Variants in SAXO1 observed in about 807,000 individuals in gnomAD.
SAXO1 encodes stabilizer of axonemal microtubules 1.
SAXO1 carries 21 observed loss-of-function variants against 17.5 expected under a neutral mutation model. That is an observed-to-expected ratio of 1.20 (90% CI 0.85 to 1.72). The LOEUF (loss-of-function observed/expected upper bound fraction) is 1.72, where lower values mean the gene tolerates loss of function less well. SAXO1 is among the 40% of genes most tolerant of loss of function. The probability of loss-of-function intolerance (pLI) is 0.00; values close to 1 mark genes in which losing one functional copy is unlikely to be tolerated. For missense variants in SAXO1, 843 were observed against 596.0 expected, an observed-to-expected ratio of 1.41 and a Z score of -4.32; for synonymous variants, 274 against 216.5, an observed-to-expected ratio of 1.27 and a Z score of -2.33.
At chr9:19,000,711 T>A (rs1007415675) in intron 1 of SAXO1, among the ~76,000 whole-genome samples, 3 of 146,402 alleles carry the variant, frequency 2.0e-5, no homozygotes, top group African/African-American at 8.2e-5. Context: ...ATTAAAAAAA[T>A]AAAAATAAAA....
At chr9:18,981,244 C>A (rs73645556) in intron 1 of SAXO1, among the ~76,000 whole-genome samples, 1 of 152,038 alleles carries the variant, frequency 6.6e-6, no homozygotes, top group Non-Finnish European at 1.5e-5. Flanking sequence ...AGAGAAAGCC[C>A]CTACCCACCC....
intron 3 of SAXO1, among the ~76,000 whole-genome samples, chr9:18,938,559 GCCC>G (rs1563929494): frequency 1.3e-5 from 2 of 151,844 alleles, no homozygotes; most frequent in Non-Finnish European, 2.9e-5. Context: ...ATCAAAAACC[GCCC>G]CCATTATACA....
chr9:18,962,570 T>A (rs1425546181), intron 1 of SAXO1, among the ~76,000 whole-genome samples: 12 of 152,234 alleles, frequency 7.9e-5, no homozygotes, highest in African/African-American at 2.7e-4. Flanking sequence ...GTTCTCCCAT[T>A]CAGTAGGTTG....
At chr9:19,046,885 T>A (rs1018346121) in intron 1 of SAXO1, among the ~76,000 whole-genome samples, 20 of 151,036 alleles carry the variant, frequency 1.3e-4, no homozygotes, top group East Asian at 4.0e-4. Flanking sequence ...ATTTAAAAAA[T>A]TTTTTTAAAA....
chr9:19,027,865 C>G (rs1436383916), intron 1 of SAXO1: 2 of 1,358,314 alleles, frequency 1.5e-6, no homozygotes, highest in Middle Eastern at 1.8e-4. Flanking sequence ...CCCTGCTACG[C>G]TAGGGCGGCC....
intron 1 of SAXO1, among the ~76,000 whole-genome samples, chr9:19,020,022 TAAA>T (rs368560199): frequency 1.4e-5 from 2 of 141,378 alleles, no homozygotes; most frequent in African/African-American, 5.2e-5. Flanking sequence ...CAGGTATTAT[TAAA>T]AAAAAAAAAA....
At chr9:18,972,144 A>G (rs1330084791) in intron 1 of SAXO1, among the ~76,000 whole-genome samples, 2 of 152,254 alleles carry the variant, frequency 1.3e-5, no homozygotes, top group Non-Finnish European at 2.9e-5. Context: ...GGCAAAGTTC[A>G]AGGGAATGAA....
upstream of SAXO1, among the ~76,000 whole-genome samples, chr9:19,037,731 C>G (rs910475522): frequency 2.0e-5 from 3 of 152,156 alleles, no homozygotes; most frequent in African/African-American, 4.8e-5. Context: ...CTTCCCTAAC[C>G]CTGGTATCAA....
In SAXO1 at chr9:18,928,157, G is replaced by A. The variant is rs754786372; in HGVS notation, c.1320C>T (p.His440=). The change falls in exon 4 of 4, where the codon CAC becomes CAT. Residue 440 remains histidine (H), a synonymous_variant. Coordinates refer to ENST00000380534, the MANE Select transcript of SAXO1 (RefSeq NM_153707.4). ...CCTGGGAAACTGGTTTGTATATCCT[G>A]TGACCCAAAGCATCCACTTCCTCAA... The part of the protein sequence containing the change: ...YTFEEVDALG[H]RIYKPVSQAG... 6.2e-7 allele frequency: 1 copy of A among 1,614,178 alleles called. No homozygotes were observed. Among genetic ancestry groups the A allele is most frequent in the Non-Finnish European group, 8.5e-7 (1 of 1,180,034 alleles).
intron 1 of SAXO1, among the ~76,000 whole-genome samples, chr9:18,988,531 T>A (rs562117447): frequency 6.6e-6 from 1 of 152,220 alleles, no homozygotes; most frequent in South Asian, 2.1e-4. Flanking sequence ...TACATCTGTA[T>A]GGCATTCTAC....
At chr9:18,965,276 T>C (rs934033525) in intron 1 of SAXO1, among the ~76,000 whole-genome samples, 8 of 152,338 alleles carry the variant, frequency 5.3e-5, no homozygotes, top group African/African-American at 1.7e-4. Context: ...TTAGGTCCAC[T>C]TGGTCCAGGG....
chr9:18,928,705 GA>G lies in SAXO1; in HGVS notation c.771del (p.Leu258Ter), dbSNP rs746581681. 1.9e-6 allele frequency: 3 copies of G among 1,614,184 alleles called. No individual in the cohort carries two copies. The East Asian group carries it at 6.7e-5, about 36-fold the overall frequency. On this transcript the variant is annotated frameshift_variant, in exon 4 of 4. Coordinates refer to ENST00000380534, the MANE Select transcript of SAXO1 (RefSeq NM_153707.4). LOFTEE classifies it low-confidence loss of function (END_TRUNC). Reference protein sequence around the residue: ...LMGEPAKSLKPLARPPGLDMP... With the variant: ...LMGEPAKSLKXLARPPGLDMP... ...ATGTCTAGCCCAGGAGGCCTGGCTA[GA>G]GGTTTCAAGCTCTTGGCAGGCTCCC...
chr9:18,980,983 G>C (rs1833363800), intron 1 of SAXO1, among the ~76,000 whole-genome samples: 2 of 152,070 alleles, frequency 1.3e-5, no homozygotes, highest in African/African-American at 4.8e-5. Context: ...AAGTGCTAAG[G>C]AATAAATTGA....
At chr9:18,956,854 G>C (rs184543662) in intron 1 of SAXO1, among the ~76,000 whole-genome samples, 1 of 152,166 alleles carries the variant, frequency 6.6e-6, no homozygotes, top group African/African-American at 2.4e-5. Context: ...ACAGCAATGC[G>C]ATGAGCGAGG....
upstream of SAXO1, among the ~76,000 whole-genome samples, chr9:19,036,465 T>C (rs1835941679): frequency 6.6e-6 from 1 of 151,938 alleles, no homozygotes; most frequent in Non-Finnish European, 1.5e-5. Flanking sequence ...GAAAATGGTT[T>C]CATGGGCCGG....
chr9:18,928,964 G>A lies in SAXO1; in HGVS notation c.513C>T (p.Thr171=). The A allele has an allele frequency of 3.1e-6, 5 of 1,614,074 alleles. No homozygotes were observed. The highest frequency in any genetic ancestry group is 1.1e-5 in the South Asian group (1 of 91,072). Residue 171 remains threonine (T), a synonymous_variant, in exon 4 of 4, where the codon ACC becomes ACT. Coordinates refer to ENST00000380534, the MANE Select transcript of SAXO1 (RefSeq NM_153707.4). Reference sequence around the variant, plus strand: ...TTATGGGGTAATCGTCCTGGTGTGTGGTTCTGTTATCAAACCTGACTGATG... The same window carrying A: ...TTATGGGGTAATCGTCCTGGTGTGTAGTTCTGTTATCAAACCTGACTGATG... ...QPASVRFDNR[T]THQDDYPIKG... is the part of the protein sequence containing the mutation.
At chr9:19,043,049 G>A (rs560220944) in intron 1 of SAXO1, among the ~76,000 whole-genome samples, 27 of 151,958 alleles carry the variant, frequency 1.8e-4, no homozygotes, top group Non-Finnish European at 3.7e-4. Flanking sequence ...GTACACACCT[G>A]TAGTCCCAGC....
At chr9:18,947,707 T>C (rs957773793) in intron 2 of SAXO1, 1 of 152,096 alleles carries the variant, frequency 6.6e-6, no homozygotes, top group African/African-American at 2.4e-5. Flanking sequence ...CAGGTCTATC[T>C]GAAGTAAAGG....
At chr9:18,966,340 A>G (rs368198003) in intron 1 of SAXO1, among the ~76,000 whole-genome samples, 3 of 152,292 alleles carry the variant, frequency 2.0e-5, no homozygotes, top group East Asian at 1.9e-4. Context: ...GTGTTTTCCA[A>G]CTTGGTTCCA....
Sources: gnomAD v4.1 joint callset for allele counts (sites outside exome capture counted in the v4.1 genomes callset) on GRCh38, gnomAD v4.1.1 for gene constraint, MANE v1.5 for transcripts, NCBI Gene and HGNC (gene_info 2026-07-23, HGNC 2026-07-21) for gene names.